Variants in FSHR observed in about 807,000 individuals in gnomAD.
The protein encoded by FSHR is follicle stimulating hormone receptor.
A neutral mutation model predicts 52.1 loss-of-function variants in FSHR; 46 were observed. The ratio of observed to expected loss-of-function variants is 0.88; its 90% confidence interval spans 0.70 to 1.13. The LOEUF (loss-of-function observed/expected upper bound fraction) is 1.13. Ranked by LOEUF, FSHR falls within the 50% of genes most tolerant of loss-of-function variation. FSHR has a pLI of 0.00. For synonymous variants in FSHR, 399 were observed against 309.6 expected (o/e 1.29, Z -3.03); for missense variants, 964 against 834.6 (o/e 1.16, Z -1.91).
At chr2:49,049,824 AATATATATATAT>A (rs5831020) in intron 2 of FSHR, among the ~76,000 whole-genome samples, 18,998 of 144,840 alleles carry the variant, frequency 0.13, 1,535 homozygotes, top group Non-Finnish European at 0.17. Flanking sequence ...CCCCTACTCT[AATATATATATAT>A]ATATATATAT....
intron 1 of FSHR, among the ~76,000 whole-genome samples, chr2:49,078,484 G>A (rs1168390737): frequency 6.6e-6 from 1 of 151,890 alleles, no homozygotes; most frequent in Non-Finnish European, 1.5e-5. Flanking sequence ...GACAATAAAA[G>A]GAAATAATAT....
At chr2:49,118,761 A>G (rs1034925464) in intron 1 of FSHR, among the ~76,000 whole-genome samples, 2 of 152,180 alleles carry the variant, frequency 1.3e-5, no homozygotes, top group African/African-American at 4.8e-5. Context: ...TTCCAGGAAC[A>G]CCCATATTTG....
intron 2 of FSHR, among the ~76,000 whole-genome samples, chr2:49,030,271 A>AGTGTGTGTGTGTGTGT (rs141079184): frequency 6.4e-5 from 9 of 140,374 alleles, no homozygotes; most frequent in South Asian, 2.5e-4. Flanking sequence ...AGGAATAGCA[A>AGTGTGTGTGTGTGTGT]GTGTGTGTGT....
intron 2 of FSHR, among the ~76,000 whole-genome samples, chr2:49,053,613 G>A (rs1464691776): frequency 6.6e-6 from 1 of 152,158 alleles, no homozygotes; most frequent in Non-Finnish European, 1.5e-5. Context: ...GTTTGAGATA[G>A]TGATGCAGAT....
chr2:49,140,348 G>A (rs1672636812), intron 1 of FSHR, among the ~76,000 whole-genome samples: 1 of 151,180 alleles, frequency 6.6e-6, no homozygotes, highest in Non-Finnish European at 1.5e-5. Context: ...TCCTGCTTTT[G>A]CCATGTGATG....
intron 1 of FSHR, among the ~76,000 whole-genome samples, chr2:49,113,359 A>T (rs1386678814): frequency 1.3e-5 from 2 of 152,216 alleles, no homozygotes; most frequent in African/African-American, 4.8e-5. Flanking sequence ...GCCCTAAAAA[A>T]GCTAAATTCT....
At chr2:49,022,172 A>C (rs1411297758) in intron 2 of FSHR, among the ~76,000 whole-genome samples, 1 of 152,066 alleles carries the variant, frequency 6.6e-6, no homozygotes, top group Admixed American at 6.5e-5. Flanking sequence ...GTTCACTAGC[A>C]GTTAGCAGTA....
chr2:49,147,931 C>T (rs1672926180), intron 1 of FSHR, among the ~76,000 whole-genome samples: 1 of 151,948 alleles, frequency 6.6e-6, no homozygotes, highest in South Asian at 2.1e-4. Flanking sequence ...CTATAGGAGA[C>T]TCCAAACATG....
intron 1 of FSHR, among the ~76,000 whole-genome samples, chr2:49,081,514 T>G (rs538672442): frequency 3.9e-5 from 6 of 152,330 alleles, no homozygotes; most frequent in African/African-American, 1.4e-4. Flanking sequence ...CAAGCATCAT[T>G]TATTAACTCA....
In FSHR at chr2:49,102,115, A is replaced by G. The variant is rs188877052; in HGVS notation, c.153-33825T>C. ...AGAAGCTAATCAAGGGAAGCTAAGC[A>G]TGATGGGCAGTGCAGAGGGCCACAT... On this transcript the variant is annotated intron_variant, in intron 1 of 9. Transcript: ENST00000406846. Among the ~76,000 whole-genome samples the G allele has an allele frequency of 3.7e-3, 569 of 152,290 alleles. 3 individuals carry two copies. Among genetic ancestry groups the G allele is most frequent in the African/African-American group, 0.013 (525 of 41,566 alleles).
At chr2:49,013,503 T>TATATATATATATATAAATAA (rs1558389514) in intron 4 of FSHR, among the ~76,000 whole-genome samples, 4 of 68,544 alleles carry the variant, frequency 5.8e-5, no homozygotes, top group African/African-American at 1.3e-4. Context: ...TATATATAAA[T>TATATATATATATATAAATAA]ATATATATAT....
At chr2:49,042,819 G>A (rs3913667) in intron 2 of FSHR, among the ~76,000 whole-genome samples, 1 of 152,106 alleles carries the variant, frequency 6.6e-6, no homozygotes, top group Admixed American at 6.5e-5. Flanking sequence ...GGCATATTTG[G>A]TTCAGTCAAA....
chr2:48,992,681 C>A (rs1675840309), intron 4 of FSHR, among the ~76,000 whole-genome samples: 1 of 151,860 alleles, frequency 6.6e-6, no homozygotes, highest in Admixed American at 6.6e-5. Context: ...TTCTATTCCA[C>A]CCTCTTGCTC....
chr2:49,046,846 A>C (rs1402372862), intron 2 of FSHR, among the ~76,000 whole-genome samples: 1 of 152,166 alleles, frequency 6.6e-6, no homozygotes, highest in Non-Finnish European at 1.5e-5. Context: ...ACAACAGCAT[A>C]TTTGTGAGTC....
chr2:48,970,562 C>T (rs572804166), intron 8 of FSHR, among the ~76,000 whole-genome samples: 1 of 152,136 alleles, frequency 6.6e-6, no homozygotes. Flanking sequence ...TATCTTTATA[C>T]CTAGACCCCT....
At chr2:49,009,008 C>T (rs1429437568) in intron 4 of FSHR, among the ~76,000 whole-genome samples, 1 of 150,616 alleles carries the variant, frequency 6.6e-6, no homozygotes, top group East Asian at 2.0e-4. Context: ...GTTTCTTTTG[C>T]TGTGCAGAAG....
intron 4 of FSHR, among the ~76,000 whole-genome samples, chr2:48,996,325 C>T (rs1453289046): frequency 2.6e-5 from 4 of 152,064 alleles, no homozygotes; most frequent in Non-Finnish European, 5.9e-5. Flanking sequence ...TTCTCATTAT[C>T]CACAGCAGTA....
intron 1 of FSHR, among the ~76,000 whole-genome samples, chr2:49,099,680 C>G (rs1018567069): frequency 2.6e-5 from 4 of 151,942 alleles, no homozygotes; most frequent in Non-Finnish European, 5.9e-5. Context: ...CACAGAGACA[C>G]AAAGAAAGAC....
chr2:49,013,270 T>C (rs1312133675), intron 4 of FSHR, among the ~76,000 whole-genome samples: 3 of 151,594 alleles, frequency 2.0e-5, no homozygotes, highest in Admixed American at 6.6e-5. Flanking sequence ...TTTCTGTTGT[T>C]TAATTTACTT....
Sources: allele counts gnomAD v4.1 joint callset (sites outside exome capture counted in the v4.1 genomes callset), GRCh38; gene constraint gnomAD v4.1.1; transcripts MANE v1.5; gene names NCBI Gene and HGNC (gene_info 2026-07-23, HGNC 2026-07-21).